The following GRIN2A variants were observed in gnomAD, a reference collection of about 807,000 sequenced individuals.
The protein encoded by GRIN2A is glutamate receptor ionotropic, NMDA 2A.
A neutral mutation model predicts 113.4 loss-of-function variants in GRIN2A; 22 were observed. That is an observed-to-expected ratio of 0.19 (90% confidence interval 0.14 to 0.28). GRIN2A has a LOEUF of 0.28. GRIN2A is among the 10% of genes least tolerant of loss of function. The pLI is 1.00. For synonymous variants in GRIN2A, 827 were observed against 738.4 expected, an observed-to-expected ratio of 1.12 and a Z score of -1.94; for missense variants, 1,502 against 1,887.0, an observed-to-expected ratio of 0.80 and a Z score of 3.78.
chr16:9,882,837 C>T (rs28648785), intron 4 of GRIN2A, among the ~76,000 whole-genome samples: 4,310 of 152,226 alleles, frequency 0.028, 207 homozygotes, highest in African/African-American at 0.099. Flanking sequence ...TGCCTATACC[C>T]TGAGTTCTAA....
intron 2 of GRIN2A, among the ~76,000 whole-genome samples, chr16:10,093,578 G>C (rs1448239): frequency 0.2 from 30,438 of 151,740 alleles, 3,829 homozygotes; most frequent in African/African-American, 0.36. Flanking sequence ...TTAAGAGCTA[G>C]AGTCTCTGGG....
intron 2 of GRIN2A, among the ~76,000 whole-genome samples, chr16:10,025,768 G>A (rs571079727): frequency 6.6e-6 from 1 of 152,288 alleles, no homozygotes; most frequent in East Asian, 1.9e-4. Flanking sequence ...TCGGCTGGCA[G>A]AGACAGGCAG....
chr16:9,780,485 CATTT>C (rs1421106259), intron 11 of GRIN2A, among the ~76,000 whole-genome samples: 3 of 152,124 alleles, frequency 2.0e-5, no homozygotes, highest in African/African-American at 7.2e-5. Context: ...ATGATTCCAC[CATTT>C]ATTTGAGGAT....
chr16:9,900,520 TCTC>T (rs1350349149), intron 3 of GRIN2A, among the ~76,000 whole-genome samples: 1 of 152,030 alleles, frequency 6.6e-6, no homozygotes, highest in Non-Finnish European at 1.5e-5. Flanking sequence ...TAAATATGAC[TCTC>T]CTCCTCCCAA....
At chr16:10,172,765 G>T (rs1293681602) in intron 2 of GRIN2A, among the ~76,000 whole-genome samples, 1 of 152,190 alleles carries the variant, frequency 6.6e-6, no homozygotes, top group Admixed American at 6.5e-5. Flanking sequence ...TTAAAATGTT[G>T]GCAAAGAATT....
chr16:10,149,007 G>C (rs1331358471), intron 2 of GRIN2A, among the ~76,000 whole-genome samples: 2 of 152,206 alleles, frequency 1.3e-5, no homozygotes, highest in African/African-American at 4.8e-5. Flanking sequence ...ATCTGTGGGA[G>C]CTAAAAATGA....
intron 11 of GRIN2A, among the ~76,000 whole-genome samples, chr16:9,788,185 C>G (rs1902350462): frequency 1.3e-5 from 2 of 152,082 alleles, no homozygotes; most frequent in African/African-American, 4.8e-5. Flanking sequence ...CTTTCTTTGC[C>G]TCTCTCTCCC....
chr16:9,851,140 C>T (rs1008038133), intron 4 of GRIN2A, among the ~76,000 whole-genome samples: 1 of 152,130 alleles, frequency 6.6e-6, no homozygotes, highest in Non-Finnish European at 1.5e-5. Context: ...ATGCCGGACA[C>T]CAGGAGAGGT....
At chr16:10,097,421 G>A (rs1328223524) in intron 2 of GRIN2A, among the ~76,000 whole-genome samples, 1 of 152,174 alleles carries the variant, frequency 6.6e-6, no homozygotes, top group Non-Finnish European at 1.5e-5. Flanking sequence ...TCATTTTGGT[G>A]TCTTGGAGAC....
intron 2 of GRIN2A, among the ~76,000 whole-genome samples, chr16:10,132,094 G>A (rs2049075774): frequency 6.6e-6 from 1 of 152,084 alleles, no homozygotes; most frequent in African/African-American, 2.4e-5. Flanking sequence ...CACTTTGGGA[G>A]ACTCAGGCAG....
chr16:9,796,684 C>T (rs1903008757), intron 11 of GRIN2A, among the ~76,000 whole-genome samples: 1 of 152,222 alleles, frequency 6.6e-6, no homozygotes, highest in South Asian at 2.1e-4. Context: ...CCTTTTCAGC[C>T]CGAGACACAG....
intron 3 of GRIN2A, among the ~76,000 whole-genome samples, chr16:9,916,253 G>A (rs1048003647): frequency 6.6e-6 from 1 of 152,178 alleles, no homozygotes; most frequent in South Asian, 2.1e-4. Flanking sequence ...AATTAGGAGG[G>A]TAATAAAGCA....
At chr16:10,114,956 G>A (rs778192467) in intron 2 of GRIN2A, among the ~76,000 whole-genome samples, 8 of 152,188 alleles carry the variant, frequency 5.3e-5, no homozygotes, top group African/African-American at 1.9e-4. Context: ...AAACATGGAA[G>A]AACTGTCAAC....
intron 4 of GRIN2A, among the ~76,000 whole-genome samples, chr16:9,860,321 G>A (rs931362338): frequency 6.6e-6 from 1 of 151,608 alleles, no homozygotes; most frequent in Non-Finnish European, 1.5e-5. Context: ...CCAGGCATGG[G>A]TCTGTAATCC....
intron 2 of GRIN2A, among the ~76,000 whole-genome samples, chr16:10,158,622 C>T (rs1163940266): frequency 2.0e-5 from 3 of 152,204 alleles, no homozygotes; most frequent in African/African-American, 7.2e-5. Context: ...CATGCTACGA[C>T]ATGGATGGAC....
chr16:9,980,768 C>T (rs1331782955), intron 2 of GRIN2A, among the ~76,000 whole-genome samples: 1 of 141,036 alleles, frequency 7.1e-6, no homozygotes, highest in Non-Finnish European at 1.5e-5. Context: ...TGTTCTCACT[C>T]ATAGGTGGGA....
At chr16:9,796,501 G>A (rs1217019565) in intron 11 of GRIN2A, among the ~76,000 whole-genome samples, 2 of 152,248 alleles carry the variant, frequency 1.3e-5, no homozygotes, top group African/African-American at 2.4e-5. Flanking sequence ...GAAAGGCAGA[G>A]TATACCTGCA....
At chr16:9,820,693 A>T (rs2042265119) in intron 10 of GRIN2A, among the ~76,000 whole-genome samples, 1 of 152,242 alleles carries the variant, frequency 6.6e-6, no homozygotes, top group Non-Finnish European at 1.5e-5. Context: ...AGGCACCAAG[A>T]ATCTACGGCT....
intron 3 of GRIN2A, among the ~76,000 whole-genome samples, chr16:9,919,956 C>A (rs561274046): frequency 1.3e-5 from 2 of 152,352 alleles, no homozygotes; most frequent in African/African-American, 4.8e-5. Flanking sequence ...ATTTCACCTT[C>A]CCAACCATTC....
Sources: allele counts gnomAD v4.1 joint callset (sites outside exome capture counted in the v4.1 genomes callset), GRCh38; gene constraint gnomAD v4.1.1; transcripts MANE v1.5; gene names NCBI Gene and HGNC (gene_info 2026-07-23, HGNC 2026-07-21).